MCTP1: variants seen among roughly 807,000 people sequenced by gnomAD.
The protein encoded by MCTP1 is multiple C2 and transmembrane domain containing 1.
In MCTP1, 69 loss-of-function variants were observed where a neutral mutation model predicts 120.6. The ratio of observed to expected loss-of-function variants is 0.57; its 90% CI spans 0.47 to 0.70. The LOEUF is 0.70. Among genes scored for constraint, MCTP1 ranks in the 30% least tolerant of loss-of-function variants. MCTP1 has a pLI of 0.00. For synonymous variants in MCTP1, 529 were observed against 493.1 expected, an observed-to-expected ratio of 1.07 and a Z score of -0.96; for missense variants, 1,203 against 1,248.8, an observed-to-expected ratio of 0.96 and a Z score of 0.55.
intron 1 of MCTP1, among the ~76,000 whole-genome samples, chr5:95,198,664 C>G (rs188604972): frequency 1.1e-4 from 17 of 152,196 alleles, no homozygotes; most frequent in African/African-American, 3.9e-4. Flanking sequence ...AAAAGAAAGA[C>G]CAACGTTGAG....
chr5:94,897,921 T>A (rs970499387), intron 10 of MCTP1, among the ~76,000 whole-genome samples: 2 of 152,184 alleles, frequency 1.3e-5, no homozygotes, highest in Non-Finnish European at 2.9e-5. Flanking sequence ...TTTCCAAGTA[T>A]GAAAATATGT....
intron 1 of MCTP1, among the ~76,000 whole-genome samples, chr5:95,109,951 T>C (rs1395011564): frequency 3.3e-5 from 5 of 152,224 alleles, no homozygotes; most frequent in African/African-American, 1.2e-4. Context: ...GAACAATTCC[T>C]AGACTATGCC....
Position 95,284,343 on chromosome 5 carries a change from C to T in MCTP1, c.233G>A (p.Trp78Ter). 1 of 1,597,080 alleles carries T rather than the reference C, an allele frequency of 6.3e-7. No homozygotes were observed. The highest frequency in any genetic ancestry group is 8.5e-7 in the Non-Finnish European group (1 of 1,179,336). Reference sequence around the variant, plus strand: ...TTGCTTCCGCTTCTTGAAGCCGCTCCACCTGCTGCCTGCACCACTCCCCCT... The same window carrying T: ...TTGCTTCCGCTTCTTGAAGCCGCTCTACCTGCTGCCTGCACCACTCCCCCT... ...PARGSGAGSRWSGFKKRKQVL... is the reference protein window; with the variant it reads ...PARGSGAGSR The change falls in exon 1 of 23, where the codon TGG (tryptophan) becomes TAG (stop). Residue 78 changes from tryptophan to a stop codon, truncating the protein, a stop_gained. Coordinates refer to ENST00000515393, the MANE Select transcript of MCTP1 (RefSeq NM_024717.7). LOFTEE classifies it high-confidence loss of function. The surrounding 1 kb of genome is among the most constrained non-coding windows in gnomAD (Gnocchi z 5.2).
At chr5:95,087,804 G>A (rs1437655663) in intron 1 of MCTP1, among the ~76,000 whole-genome samples, 1 of 152,092 alleles carries the variant, frequency 6.6e-6, no homozygotes, top group African/African-American at 2.4e-5. Flanking sequence ...AGAACAGCTT[G>A]CCCTTCTGAT....
At chr5:94,953,177 C>T in intron 3 of MCTP1, 42 bp downstream of exon 3, 1 of 1,539,286 alleles carries the variant, frequency 6.5e-7, no homozygotes. Flanking sequence ...ACAGGGATTT[C>T]CACATCAGTT....
chr5:94,815,387 A>C (rs1302188643), intron 17 of MCTP1, among the ~76,000 whole-genome samples: 1 of 152,186 alleles, frequency 6.6e-6, no homozygotes, highest in African/African-American at 2.4e-5. Context: ...TTCTACAGCC[A>C]ATTTCTCTAT....
At chr5:95,008,328 A>G (rs1426308331) in intron 2 of MCTP1, among the ~76,000 whole-genome samples, 1 of 152,112 alleles carries the variant, frequency 6.6e-6, no homozygotes, top group Non-Finnish European at 1.5e-5. Context: ...GAAACCCTAT[A>G]TCTTAACCCC....
Position 94,909,299 on chromosome 5 carries a change from A to G in MCTP1, c.1604T>C (p.Ile535Thr). ...LYEERGGVIDITAWDKDAGKR... is the reference protein window; with the variant it reads ...LYEERGGVIDTTAWDKDAGKR... ...CCCAGCATCTTTGTCCCATGCAGTG[A>G]TATCAATGACTCCTCCTCTTTCTTC... The change falls in exon 10 of 23, where the codon ATC (isoleucine) becomes ACC (threonine). Residue 535 changes from isoleucine to threonine, a missense_variant. Coordinates refer to ENST00000515393, the MANE Select transcript of MCTP1 (RefSeq NM_024717.7). 2 of 1,610,898 alleles carry G rather than the reference A, an allele frequency of 1.2e-6. No homozygotes were observed. The highest frequency in any genetic ancestry group is 8.5e-7 in the Non-Finnish European group (1 of 1,178,652).
At chr5:95,139,164 T>C (rs1270957118) in intron 1 of MCTP1, among the ~76,000 whole-genome samples, 3 of 152,226 alleles carry the variant, frequency 2.0e-5, no homozygotes, top group Non-Finnish European at 2.9e-5. Context: ...ATCTTCATGT[T>C]AAAGCCCAAA....
chr5:94,802,568 C>A (rs549465535), intron 17 of MCTP1, among the ~76,000 whole-genome samples: 1 of 152,134 alleles, frequency 6.6e-6, no homozygotes, highest in Admixed American at 6.5e-5. Flanking sequence ...ACTGAGATAA[C>A]ACAAAAGGTC....
chr5:94,947,454 A>C (rs891671851), intron 3 of MCTP1, among the ~76,000 whole-genome samples: 1 of 150,818 alleles, frequency 6.6e-6, no homozygotes, highest in South Asian at 2.1e-4. Context: ...TGAATTAGTA[A>C]TAATATACTT....
At chr5:95,148,754 T>C (rs1158636153) in intron 1 of MCTP1, among the ~76,000 whole-genome samples, 1 of 148,554 alleles carries the variant, frequency 6.7e-6, no homozygotes, top group African/African-American at 2.6e-5. Flanking sequence ...GGGACTCTGT[T>C]TTTTTTTAAT....
intron 2 of MCTP1, among the ~76,000 whole-genome samples, chr5:94,959,413 C>A (rs1474190086): frequency 6.6e-6 from 1 of 152,094 alleles, no homozygotes; most frequent in Non-Finnish European, 1.5e-5. Flanking sequence ...ATTGAAAGTT[C>A]CGGCCAGGGC....
At chr5:94,999,580 T>C (rs1256921209) in intron 2 of MCTP1, among the ~76,000 whole-genome samples, 1 of 152,210 alleles carries the variant, frequency 6.6e-6, no homozygotes, top group Non-Finnish European at 1.5e-5. Flanking sequence ...TTCATGGCAA[T>C]ACAGTTATTT....
chr5:94,872,748 A>G (rs752504024), intron 13 of MCTP1, among the ~76,000 whole-genome samples: 3 of 152,122 alleles, frequency 2.0e-5, no homozygotes, highest in Non-Finnish European at 2.9e-5. Context: ...GCCGAATTCG[A>G]GACTGGATTG....
chr5:94,796,449 T>C (rs1780021071), intron 18 of MCTP1, among the ~76,000 whole-genome samples: 2 of 151,728 alleles, frequency 1.3e-5, no homozygotes, highest in Middle Eastern at 6.8e-3. Context: ...GATATCAATA[T>C]GGACTTACGG....
chr5:94,869,736 C>T (rs903994677), intron 16 of MCTP1, among the ~76,000 whole-genome samples: 2 of 151,936 alleles, frequency 1.3e-5, no homozygotes, highest in Non-Finnish European at 1.5e-5. Context: ...CAGATGTAAA[C>T]GTTTTTAAAA....
chr5:94,750,575 T>C (rs1260603703), intron 19 of MCTP1, among the ~76,000 whole-genome samples: 1 of 152,216 alleles, frequency 6.6e-6, no homozygotes, highest in Admixed American at 6.5e-5. Context: ...CCAGTGCTTC[T>C]CTTTCCAACA....
intron 1 of MCTP1, among the ~76,000 whole-genome samples, chr5:95,220,911 A>G (rs754940836): frequency 7.2e-5 from 11 of 152,364 alleles, no homozygotes; most frequent in East Asian, 3.9e-4. Context: ...AGTAAATAGC[A>G]AGCTGATGGA....
Sources: gnomAD v4.1 joint callset for allele counts (sites outside exome capture counted in the v4.1 genomes callset) on GRCh38, gnomAD v4.1.1 for gene constraint, Gnocchi (gnomAD v3.1) non-coding constraint, MANE v1.5 for transcripts, NCBI Gene and HGNC (gene_info 2026-07-23, HGNC 2026-07-21) for gene names.